Variants in PALM2AKAP2 observed in about 807,000 individuals in gnomAD.
PALM2AKAP2 encodes PALM2-AKAP2 fusion protein.
PALM2AKAP2 carries 37 observed loss-of-function variants against 71.5 expected under a neutral mutation model. The observed-to-expected ratio is 0.52, with a 90% CI of 0.40 to 0.68. The LOEUF is 0.68. Ranked by LOEUF, PALM2AKAP2 falls within the 30% of genes least tolerant of loss-of-function variation. The probability of loss-of-function intolerance (pLI) is 0.00; values close to 1 mark genes in which losing one functional copy is unlikely to be tolerated. For synonymous variants in PALM2AKAP2, 468 were observed against 478.8 expected (o/e 0.98, Z 0.29); for missense variants, 1,224 against 1,191.8 (o/e 1.03, Z -0.40).
intron 1 of PALM2AKAP2, among the ~76,000 whole-genome samples, chr9:109,862,339 G>A (rs961973601): frequency 2.8e-4 from 42 of 152,068 alleles, no homozygotes; most frequent in African/African-American, 9.9e-4. Context: ...ACTAGATCTG[G>A]GACTCAAACA....
At chr9:110,010,899 G>A (rs1266102262) in intron 6 of PALM2AKAP2, among the ~76,000 whole-genome samples, 1 of 146,914 alleles carries the variant, frequency 6.8e-6, no homozygotes, top group East Asian at 2.0e-4. Flanking sequence ...AGGAGGCTGA[G>A]GCAGGAGAAT....
intron 5 of PALM2AKAP2, among the ~76,000 whole-genome samples, chr9:109,929,568 G>C (rs1336277096): frequency 6.6e-6 from 1 of 152,130 alleles, no homozygotes; most frequent in African/African-American, 2.4e-5. Flanking sequence ...AGAGAAGTCT[G>C]TGACCTAAGT....
At chr9:109,677,396 G>A (rs192740210) in intron 1 of PALM2AKAP2, among the ~76,000 whole-genome samples, 62 of 152,174 alleles carry the variant, frequency 4.1e-4, no homozygotes, top group African/African-American at 1.3e-3. Context: ...GGTTGGGCGC[G>A]GTGGCTCATG....
At chr9:109,642,811 C>G (rs1412314130) in intron 1 of PALM2AKAP2, among the ~76,000 whole-genome samples, 1 of 147,816 alleles carries the variant, frequency 6.8e-6, no homozygotes, top group African/African-American at 2.5e-5. Flanking sequence ...CCCGGTCTTG[C>G]TGGGATTATA....
In PALM2AKAP2 at chr9:109,794,173, G is replaced by A. The variant is rs962287151; in HGVS notation, c.45+13640G>A. 2.8e-4 allele frequency among the ~76,000 whole-genome samples: 43 copies of A among 152,114 alleles called. 2 individuals carry two copies. Among genetic ancestry groups the A allele is most frequent in the African/African-American group, 3.4e-4 (14 of 41,396 alleles). ...ACCATGATGAGAGGTTTTGTTTACCGAAGCTGGCATGTGAGTTTTGCCGCT... is the reference window on the plus strand; with the variant it reads ...ACCATGATGAGAGGTTTTGTTTACCAAAGCTGGCATGTGAGTTTTGCCGCT... On this transcript the variant is annotated intron_variant, in intron 1 of 9. Coordinates refer to the PALM2AKAP2 transcript ENST00000302798.
intron 7 of PALM2AKAP2, among the ~76,000 whole-genome samples, chr9:110,035,852 A>T (rs1006169575): frequency 7.2e-6 from 1 of 139,596 alleles, no homozygotes; most frequent in African/African-American, 2.5e-5. Context: ...AATATATATG[A>T]TATGTTGTGT....
At chr9:110,117,942 G>A (rs1835399588) in intron 1 of PALM2AKAP2, among the ~76,000 whole-genome samples, 1 of 137,388 alleles carries the variant, frequency 7.3e-6, no homozygotes, top group South Asian at 2.4e-4. Context: ...TATATATATA[G>A]TGTAAGATAC....
rs181945131 is a variant in PALM2AKAP2 at position 109,706,107 on chromosome 9, A to C, written c.5+65241A>C. On this transcript the variant is annotated intron_variant, in intron 1 of 6. Transcript: ENST00000374531. ...ATCACATTTGAGATAGAAACATTTAACTGGTTTGAAATTTTAATACCTTTT... is the reference window on the plus strand; with the variant it reads ...ATCACATTTGAGATAGAAACATTTACCTGGTTTGAAATTTTAATACCTTTT... 4.1e-3 allele frequency among the ~76,000 whole-genome samples: 621 copies of C among 152,306 alleles called. 4 individuals are homozygous for C. Among genetic ancestry groups the C allele is most frequent in the Middle Eastern group, 0.01 (3 of 294 alleles).
intron 1 of PALM2AKAP2, among the ~76,000 whole-genome samples, chr9:109,782,824 G>T (rs78188211): frequency 0.024 from 3,703 of 151,798 alleles, 162 homozygotes; most frequent in African/African-American, 0.085. Context: ...AGGGAGTTGG[G>T]TGGGGGGACT....
chr9:109,671,295 G>T (rs964652116), intron 1 of PALM2AKAP2, among the ~76,000 whole-genome samples: 5 of 152,182 alleles, frequency 3.3e-5, no homozygotes, highest in Admixed American at 6.5e-5. Context: ...GTATAAGAAA[G>T]GGATCAAGTT....
intron 1 of PALM2AKAP2, among the ~76,000 whole-genome samples, chr9:109,650,707 T>C (rs1827213341): frequency 6.6e-6 from 1 of 152,190 alleles, no homozygotes; most frequent in Non-Finnish European, 1.5e-5. Context: ...ATTATAGAGG[T>C]GAGCCACCAT....
chr9:109,934,579 A>G (rs891157588), intron 6 of PALM2AKAP2, among the ~76,000 whole-genome samples: 1 of 152,038 alleles, frequency 6.6e-6, no homozygotes, highest in Non-Finnish European at 1.5e-5. Flanking sequence ...AGTCTTCTTG[A>G]TGTATCATGC....
intron 6 of PALM2AKAP2, among the ~76,000 whole-genome samples, chr9:109,957,850 G>C (rs1831777661): frequency 6.6e-6 from 1 of 152,204 alleles, no homozygotes; most frequent in African/African-American, 2.4e-5. Context: ...GATTCAGCCA[G>C]TGTTGGAAAC....
intron 1 of PALM2AKAP2, among the ~76,000 whole-genome samples, chr9:109,814,368 A>G (rs1827801013): frequency 6.6e-6 from 1 of 152,248 alleles, no homozygotes; most frequent in East Asian, 1.9e-4. Flanking sequence ...GAGCCATCAA[A>G]GTACAGGGCG....
At chr9:109,983,272 A>G (rs1832309499) in intron 6 of PALM2AKAP2, among the ~76,000 whole-genome samples, 2 of 152,164 alleles carry the variant, frequency 1.3e-5, no homozygotes, top group African/African-American at 4.8e-5. Flanking sequence ...CTGGTTAAAG[A>G]GTTGGTTTTT....
chr9:109,853,456 A>G (rs1362396034), intron 1 of PALM2AKAP2, among the ~76,000 whole-genome samples: 1 of 152,218 alleles, frequency 6.6e-6, no homozygotes, highest in Non-Finnish European at 1.5e-5. Context: ...TATTGAGAAT[A>G]TCTTTCTATT....
At chr9:110,022,383 G>C (rs1244238197) in intron 7 of PALM2AKAP2, among the ~76,000 whole-genome samples, 1 of 152,074 alleles carries the variant, frequency 6.6e-6, no homozygotes, top group African/African-American at 2.4e-5. Flanking sequence ...CTAAGGCCCT[G>C]CTGGCCTTCC....
intron 1 of PALM2AKAP2, among the ~76,000 whole-genome samples, chr9:109,795,720 G>A (rs777498654): frequency 7.2e-5 from 11 of 152,194 alleles, no homozygotes; most frequent in East Asian, 1.9e-4. Flanking sequence ...ACATTTCTGC[G>A]GAGATTCACT....
rs75247260 is a variant in PALM2AKAP2 at position 110,007,010 on chromosome 9, A to C, written c.497-8944A>C. On this transcript the variant is annotated intron_variant, in intron 6 of 9. Coordinates refer to the PALM2AKAP2 transcript ENST00000302798. ...GTAGGTTTATGCTGTATTTTTGATCAGTGAGACTTTGGGGGTTCAGCTTTG... is the reference window on the plus strand; with the variant it reads ...GTAGGTTTATGCTGTATTTTTGATCCGTGAGACTTTGGGGGTTCAGCTTTG... Among the ~76,000 whole-genome samples, 492 of 152,200 alleles carry C rather than the reference A, an allele frequency of 3.2e-3. 2 individuals carry two copies. The highest frequency in any genetic ancestry group is 0.011 in the African/African-American group (453 of 41,534).
Sources: gnomAD v4.1 joint callset for allele counts (sites outside exome capture counted in the v4.1 genomes callset) on GRCh38, gnomAD v4.1.1 for gene constraint, MANE v1.5 for transcripts, NCBI Gene and HGNC (gene_info 2026-07-23, HGNC 2026-07-21) for gene names.